The following MOBP variants were observed in gnomAD, a reference collection of about 807,000 sequenced individuals.
The protein encoded by MOBP is myelin-associated oligodendrocyte basic protein.
A neutral mutation model predicts 15.0 loss-of-function variants in MOBP; 5 were observed. That is an observed-to-expected ratio of 0.33 (90% CI 0.17 to 0.70). MOBP has a LOEUF of 0.70. Ranked by LOEUF, MOBP falls within the 30% of genes least tolerant of loss-of-function variation. The probability of loss-of-function intolerance (pLI) is 0.67; values close to 1 mark genes in which losing one functional copy is unlikely to be tolerated. For missense variants in MOBP, 188 were observed against 257.8 expected, an observed-to-expected ratio of 0.73 and a Z score of 1.85; for synonymous variants, 88 against 99.0, an observed-to-expected ratio of 0.89 and a Z score of 0.66.
intron 1 of MOBP, among the ~76,000 whole-genome samples, chr3:39,469,549 C>T (rs1406953519): frequency 6.6e-6 from 1 of 151,968 alleles, no homozygotes; most frequent in Non-Finnish European, 1.5e-5. Context: ...CTTTTGTTGT[C>T]CTGTCCCCTC....
At chr3:39,485,804 A>G (rs1042125654) in intron 2 of MOBP, among the ~76,000 whole-genome samples, 9 of 152,308 alleles carry the variant, frequency 5.9e-5, no homozygotes, top group Admixed American at 2.0e-4. Flanking sequence ...TTGAGGATCA[A>G]TCAAGATGGA....
intron 2 of MOBP, among the ~76,000 whole-genome samples, chr3:39,490,912 G>A (rs990799795): frequency 1.3e-5 from 2 of 152,174 alleles, no homozygotes; most frequent in Admixed American, 6.5e-5. Flanking sequence ...GGGTGATGGT[G>A]TGGGTTTTGA....
intron 4 of MOBP, among the ~76,000 whole-genome samples, chr3:39,509,010 GTCTC>G (rs1330789316): frequency 6.6e-6 from 1 of 151,784 alleles, no homozygotes; most frequent in African/African-American, 2.4e-5. Context: ...CATCCATATA[GTCTC>G]TCTCTATATA....
chr3:39,482,428 G>T (rs1018734833), intron 2 of MOBP, among the ~76,000 whole-genome samples: 3 of 152,014 alleles, frequency 2.0e-5, no homozygotes, highest in Non-Finnish European at 4.4e-5. Context: ...GAGGTGGGCG[G>T]ATCATGAGGT....
intron 1 of MOBP, among the ~76,000 whole-genome samples, chr3:39,473,448 T>C (rs2042498829): frequency 6.6e-6 from 1 of 152,140 alleles, no homozygotes; most frequent in Admixed American, 6.5e-5. Context: ...GGAGAAATGG[T>C]CTAGGCAGAG....
chr3:39,501,958 A>G, intron 2 of MOBP, 108 bp from the exon 3 acceptor site: 1 of 908,264 alleles, frequency 1.1e-6, no homozygotes, highest in Non-Finnish European at 1.7e-6. Context: ...GGCCCCCCTG[A>G]ATGTTACCTT....
At chr3:39,506,250 T>A (rs1400751750), downstream of MOBP, among the ~76,000 whole-genome samples, 1 of 152,210 alleles carries the variant, frequency 6.6e-6, no homozygotes, top group African/African-American at 2.4e-5. Context: ...TAGACAAATT[T>A]TAAAAAGAAT....
chr3:39,469,024 G>A (rs2042408653), intron 1 of MOBP, among the ~76,000 whole-genome samples: 1 of 52,362 alleles, frequency 1.9e-5, no homozygotes, highest in African/African-American at 1.9e-4. Flanking sequence ...ACATATGTGT[G>A]TATATATATA....
At chr3:39,510,685 C>G (rs917945414) in intron 4 of MOBP, among the ~76,000 whole-genome samples, 1 of 150,520 alleles carries the variant, frequency 6.6e-6, no homozygotes, top group African/African-American at 2.5e-5. Context: ...CTTACCTATT[C>G]TAGATTTTTT....
intron 2 of MOBP, among the ~76,000 whole-genome samples, chr3:39,496,199 CTT>C (rs539988699): frequency 6.9e-6 from 1 of 144,370 alleles, no homozygotes; most frequent in Non-Finnish European, 1.5e-5. Flanking sequence ...TCTTTTTTTT[CTT>C]TTTTTTTTTG....
chr3:39,471,250 C>G (rs2042465308), intron 1 of MOBP, among the ~76,000 whole-genome samples: 1 of 151,790 alleles, frequency 6.6e-6, no homozygotes, highest in Non-Finnish European at 1.5e-5. Context: ...CTGTCTCAGC[C>G]TCCCAAGTAC....
intron 1 of MOBP, among the ~76,000 whole-genome samples, chr3:39,476,597 T>C (rs1160440651): frequency 1.3e-5 from 2 of 152,188 alleles, no homozygotes; most frequent in African/African-American, 2.4e-5. Flanking sequence ...TTATCTACAC[T>C]ATTTTTCAAA....
intron 1 of MOBP, among the ~76,000 whole-genome samples, chr3:39,471,287 G>A (rs1274904877): frequency 6.6e-6 from 1 of 151,976 alleles, no homozygotes; most frequent in South Asian, 2.1e-4. Flanking sequence ...GTGCCACCAC[G>A]CCCAGCTAAT....
chr3:39,506,932 T>C (rs1049161566), downstream of MOBP, among the ~76,000 whole-genome samples: 5 of 152,210 alleles, frequency 3.3e-5, no homozygotes, highest in African/African-American at 7.2e-5. Flanking sequence ...TCTCATTCAG[T>C]CTTTAAACTC....
At chr3:39,487,869 G>A (rs1260311144) in intron 2 of MOBP, among the ~76,000 whole-genome samples, 1 of 152,036 alleles carries the variant, frequency 6.6e-6, no homozygotes, top group East Asian at 1.9e-4. Context: ...CCCTTCCATC[G>A]AATCAGATCA....
chr3:39,522,016 CTCACATTCT>C (rs1214828759), intron 3 of MOBP, among the ~76,000 whole-genome samples: 1 of 152,176 alleles, frequency 6.6e-6, no homozygotes, highest in Non-Finnish European at 1.5e-5. Flanking sequence ...CAGGCTAGCT[CTCACATTCT>C]CACCAGAAAT....
intron 2 of MOBP, among the ~76,000 whole-genome samples, chr3:39,492,324 A>G (rs7639473): frequency 0.3 from 45,276 of 151,892 alleles, 9,132 homozygotes; most frequent in African/African-American, 0.57. Flanking sequence ...CCCTTCCCTC[A>G]CTGCCATGAA....
At position 39,489,365 on chromosome 3, in the gene MOBP, C is replaced by G. The variant is rs76067013; in HGVS notation, c.-5+9242C>G. Reference sequence around the variant, plus strand: ...AATGTCTTCTTCTCTGTACCCTAAGCTCTGTGAGCATAGGGACCTTCTTTG... The same window carrying G: ...AATGTCTTCTTCTCTGTACCCTAAGGTCTGTGAGCATAGGGACCTTCTTTG... On this transcript the variant is annotated intron_variant, in intron 2 of 3. Transcript: ENST00000684792. Among the ~76,000 whole-genome samples, 21 of 152,312 alleles carry G rather than the reference C, an allele frequency of 1.4e-4. No individual in the cohort carries two copies. The East Asian group carries it at 3.9e-3, about 28-fold the overall frequency.
intron 3 of MOBP, among the ~76,000 whole-genome samples, chr3:39,522,457 A>C (rs1429877289): frequency 6.6e-6 from 1 of 152,132 alleles, no homozygotes; most frequent in Non-Finnish European, 1.5e-5. Flanking sequence ...CCCCCCAATT[A>C]TTTGATATGG....
Sources: gnomAD v4.1 joint callset for allele counts (sites outside exome capture counted in the v4.1 genomes callset) on GRCh38, gnomAD v4.1.1 for gene constraint, MANE v1.5 for transcripts, NCBI Gene and HGNC (gene_info 2026-07-23, HGNC 2026-07-21) for gene names.